Variants in MALRD1 observed in about 807,000 individuals in gnomAD.
MALRD1 encodes MAM and LDL receptor class A domain containing 1.
A neutral mutation model predicts 242.1 loss-of-function variants in MALRD1; 247 were observed. That is an observed-to-expected ratio of 1.02 (90% CI 0.92 to 1.13). The LOEUF is 1.13. MALRD1 is among the 50% of genes most tolerant of loss of function. The pLI is 0.00. For missense variants in MALRD1, 2,989 were observed against 2,533.1 expected (o/e 1.18, Z -3.86); for synonymous variants, 995 against 866.6 (o/e 1.15, Z -2.60).
In MALRD1 at chr10:19,351,996, T is replaced by C. The variant is rs1844396799; in HGVS notation, c.4150-10T>C. 6.5e-7 allele frequency: 1 copy of C among 1,534,096 alleles called. No individual in the cohort carries two copies. Among genetic ancestry groups the C allele is most frequent in the Admixed American group, 2.0e-5 (1 of 50,748 alleles). ...CATATCGTATGTAATATTCCTATTC[T>C]TGATTACAGATTATTTTTCATTATC... On this transcript the variant is annotated splice_polypyrimidine_tract_variant and intron_variant, in intron 25 of 39. Coordinates refer to ENST00000454679, the MANE Select transcript of MALRD1 (RefSeq NM_001142308.3).
At chr10:19,606,279 A>T (rs1402273993) in intron 34 of MALRD1, among the ~76,000 whole-genome samples, 1 of 152,134 alleles carries the variant, frequency 6.6e-6, no homozygotes, top group African/African-American at 2.4e-5. Context: ...TTGTAACTTC[A>T]TTGTCTTTAT....
intron 38 of MALRD1, among the ~76,000 whole-genome samples, chr10:19,700,062 G>A (rs980154740): frequency 1.9e-4 from 25 of 128,574 alleles, no homozygotes; most frequent in African/African-American, 7.0e-4. Flanking sequence ...ACACACACAC[G>A]AAATCATTAC....
At chr10:19,174,767 ATATT>A (rs938773748) in intron 13 of MALRD1, among the ~76,000 whole-genome samples, 36 of 152,054 alleles carry the variant, frequency 2.4e-4, no homozygotes, top group Non-Finnish European at 5.0e-4. Context: ...TATATAATAT[ATATT>A]ATGTTTGTAT....
intron 38 of MALRD1, among the ~76,000 whole-genome samples, chr10:19,712,543 T>G (rs1262787855): frequency 6.6e-6 from 1 of 152,164 alleles, no homozygotes; most frequent in African/African-American, 2.4e-5. Flanking sequence ...TAAGTTTAAA[T>G]TGTCTAAAAA....
intron 14 of MALRD1, among the ~76,000 whole-genome samples, chr10:19,194,026 G>C (rs1836119440): frequency 6.6e-6 from 1 of 151,318 alleles, no homozygotes; most frequent in African/African-American, 2.4e-5. Flanking sequence ...ATAGTATACT[G>C]TTAATGTGAT....
chr10:19,658,772 A>G (rs932146408), intron 36 of MALRD1, among the ~76,000 whole-genome samples: 1 of 152,072 alleles, frequency 6.6e-6, no homozygotes, highest in Admixed American at 6.6e-5. Context: ...ATGACCTCCA[A>G]TTTCATACTA....
At chr10:19,406,820 C>T (rs1198156956) in intron 28 of MALRD1, among the ~76,000 whole-genome samples, 1 of 152,156 alleles carries the variant, frequency 6.6e-6, no homozygotes, top group Non-Finnish European at 1.5e-5. Flanking sequence ...CCATACACAA[C>T]TCGCTTATTA....
chr10:19,316,990 G>A lies in MALRD1; in HGVS notation c.3420-6959G>A, dbSNP rs138275792. Among the ~76,000 whole-genome samples the A allele has an allele frequency of 3.3e-5, 5 of 151,096 alleles. No homozygotes were observed. In the South Asian group the frequency reaches 6.3e-4, roughly 19 times the overall value. On this transcript the variant is annotated intron_variant, in intron 21 of 39. Transcript: ENST00000454679. ...AATTTTTCCATGATGTAATTGTTAC[G>A]CATGCATGCCTGTACCAAAATATCT...
intron 29 of MALRD1, among the ~76,000 whole-genome samples, chr10:19,460,875 C>T (rs1835904641): frequency 6.6e-6 from 1 of 152,116 alleles, no homozygotes. Context: ...GCACACTCTG[C>T]GCAGTCCGGG....
chr10:19,105,803 A>G (rs1037995378), intron 5 of MALRD1, among the ~76,000 whole-genome samples: 2 of 151,740 alleles, frequency 1.3e-5, no homozygotes, highest in Admixed American at 6.6e-5. Flanking sequence ...TTTTTTTCAT[A>G]TTCTATTTAT....
At chr10:19,615,724 C>T in intron 35 of MALRD1, 133 bp from the exon 36 acceptor site, 1 of 697,270 alleles carries the variant, frequency 1.4e-6, no homozygotes, top group Non-Finnish European at 2.3e-6. Flanking sequence ...TATGGGAATT[C>T]TTTTGCTTTT....
At chr10:19,102,911 C>T (rs1035316270) in intron 4 of MALRD1, among the ~76,000 whole-genome samples, 1 of 151,554 alleles carries the variant, frequency 6.6e-6, no homozygotes, top group Non-Finnish European at 1.5e-5. Flanking sequence ...TGTAGTGGTG[C>T]GATCTCTGCT....
intron 19 of MALRD1, among the ~76,000 whole-genome samples, chr10:19,274,064 A>G (rs1166870770): frequency 1.3e-5 from 2 of 152,198 alleles, no homozygotes; most frequent in Non-Finnish European, 2.9e-5. Flanking sequence ...GGAAAGCAGT[A>G]TGACCATTCC....
Position 19,107,652 on chromosome 10 carries a change from G to A in MALRD1, c.694+3577G>A, listed in dbSNP as rs114544839. Among the ~76,000 whole-genome samples the A allele has an allele frequency of 2.6e-3, 399 of 150,870 alleles. 5 individuals are homozygous for A. The highest frequency in any genetic ancestry group is 9.2e-3 in the African/African-American group (378 of 41,096). On this transcript the variant is annotated intron_variant, in intron 5 of 39. Transcript: ENST00000454679. ...TTTAATGTTATTATTAACAGATAAG[G>A]CCCTACTCCTTTCATTTTAGTCGTT...
chr10:19,260,290 T>C (rs79278229), intron 19 of MALRD1, among the ~76,000 whole-genome samples: 13 of 145,926 alleles, frequency 8.9e-5, no homozygotes, highest in Non-Finnish European at 1.6e-4. Flanking sequence ...GACAGATAGA[T>C]AGACAGACAG....
In MALRD1 at chr10:19,692,305, A is replaced by T. The variant is rs1833109202; in HGVS notation, c.6161A>T (p.Asn2054Ile). ...AGATGTAGACAAGGCTGGAAAGGAA[A>T]TCGATGCCATATCAAGTTTAATCCT... ...MCRCRQGWKG[N>I]RCHIKFNPPA... Residue 2054 changes from asparagine to isoleucine, a missense_variant, in exon 37 of 40, where the codon AAT becomes ATT. Physicochemically the swap from Asn to Ile is moderately radical, Grantham distance 149. Transcript: ENST00000454679. The T allele has an allele frequency of 1.3e-6, 2 of 1,535,270 alleles. No individual in the cohort carries two copies. Among genetic ancestry groups the T allele is most frequent in the South Asian group, 1.2e-5 (1 of 83,954 alleles).
chr10:19,619,301 G>A (rs575884642), intron 36 of MALRD1, among the ~76,000 whole-genome samples: 25 of 151,990 alleles, frequency 1.6e-4, no homozygotes, highest in Admixed American at 5.3e-4. Flanking sequence ...AGGGAGGGTC[G>A]CTTTTTCCTC....
intron 19 of MALRD1, among the ~76,000 whole-genome samples, chr10:19,261,376 G>C (rs1839739140): frequency 1.3e-5 from 2 of 150,708 alleles, no homozygotes; most frequent in Non-Finnish European, 2.9e-5. Flanking sequence ...TGAATCCATA[G>C]GTTTTATAAA....
chr10:19,475,011 C>T (rs1220247592), intron 29 of MALRD1, among the ~76,000 whole-genome samples: 1 of 152,166 alleles, frequency 6.6e-6, no homozygotes, highest in Non-Finnish European at 1.5e-5. Context: ...GTTCAATATC[C>T]CTATTTATCA....
Sources: gnomAD v4.1 joint callset for allele counts (sites outside exome capture counted in the v4.1 genomes callset) on GRCh38, gnomAD v4.1.1 for gene constraint, MANE v1.5 for transcripts, NCBI Gene and HGNC (gene_info 2026-07-23, HGNC 2026-07-21) for gene names.